The following VAV3 variants were observed in gnomAD, a reference collection of about 807,000 sequenced individuals.
VAV3 encodes vav guanine nucleotide exchange factor 3, also known as guanine nucleotide exchange factor VAV3.
In VAV3, 94 loss-of-function variants were observed where a neutral mutation model predicts 131.2. The observed-to-expected ratio is 0.72, with a 90% confidence interval of 0.61 to 0.85. VAV3 has a LOEUF of 0.85. Among genes scored for constraint, VAV3 ranks in the 40% least tolerant of loss-of-function variants. The probability of loss-of-function intolerance (pLI) is 0.00; values close to 1 mark genes in which losing one functional copy is unlikely to be tolerated. For missense variants in VAV3, 939 were observed against 1,002.7 expected, an observed-to-expected ratio of 0.94 and a Z score of 0.86; for synonymous variants, 349 against 342.0, an observed-to-expected ratio of 1.02 and a Z score of -0.22.
intron 5 of VAV3, among the ~76,000 whole-genome samples, chr1:107,772,319 TAAC>T (rs938858692): frequency 1.5e-4 from 23 of 152,282 alleles, no homozygotes; most frequent in African/African-American, 5.5e-4. Context: ...TATTAACACT[TAAC>T]AAATGTGAAG....
Position 107,704,957 on chromosome 1 carries a change from T to C in VAV3, c.1604+3A>G, listed in dbSNP as rs757711382. The C allele has an allele frequency of 6.2e-7, 1 of 1,612,986 alleles. No individual in the cohort carries two copies. Among genetic ancestry groups the C allele is most frequent in the Non-Finnish European group, 8.5e-7 (1 of 1,179,252 alleles). On this transcript the variant is annotated splice_donor_region_variant and intron_variant, in intron 16 of 26. Transcript: ENST00000370056. ...ACTGAAAACCAGGACTGAGCAGGCT[T>C]ACCTCAGGAGCATCTGGCAGACTTT... is the stretch of plus-strand genomic sequence containing the variant.
chr1:107,770,807 T>C, intron 5 of VAV3, 79 bp from the exon 6 acceptor site: 1 of 1,205,160 alleles, frequency 8.3e-7, no homozygotes, highest in South Asian at 1.4e-5. Flanking sequence ...TCAAAAGCAT[T>C]GCTGACTTTC....
chr1:107,768,641 A>G, intron 6 of VAV3, 132 bp from the exon 7 acceptor site: 3 of 591,152 alleles, frequency 5.1e-6, no homozygotes, highest in Non-Finnish European at 8.6e-6. Context: ...CCAAAATTGT[A>G]GAAACTATTT....
intron 25 of VAV3, among the ~76,000 whole-genome samples, chr1:107,589,432 C>T (rs1570569616): frequency 1.3e-5 from 2 of 152,146 alleles, no homozygotes; most frequent in South Asian, 4.1e-4. Context: ...TAAACCAAGC[C>T]ATGCCAAGGA....
intron 19 of VAV3, among the ~76,000 whole-genome samples, chr1:107,675,220 T>A (rs1483559123): frequency 6.6e-6 from 1 of 152,140 alleles, no homozygotes; most frequent in Non-Finnish European, 1.5e-5. Flanking sequence ...CAATAGAAAA[T>A]ACAGGTATCT....
chr1:107,725,743 C>T (rs1190584264), intron 15 of VAV3, among the ~76,000 whole-genome samples: 3 of 152,110 alleles, frequency 2.0e-5, no homozygotes, highest in Non-Finnish European at 4.4e-5. Context: ...AAACTCCCGA[C>T]CTCAGGTGAT....
At chr1:107,696,627 T>A (rs957054954) in intron 17 of VAV3, among the ~76,000 whole-genome samples, 2 of 152,186 alleles carry the variant, frequency 1.3e-5, no homozygotes, top group Non-Finnish European at 2.9e-5. Context: ...CTCTGTAAAG[T>A]ATGGGTGAAT....
At chr1:107,921,199 T>G (rs1672883707) in intron 1 of VAV3, among the ~76,000 whole-genome samples, 1 of 152,304 alleles carries the variant, frequency 6.6e-6, no homozygotes, top group East Asian at 1.9e-4. Flanking sequence ...GCTGCAGATA[T>G]CCGAAAGCCT....
At chr1:107,811,120 A>G (rs986704861) in intron 2 of VAV3, among the ~76,000 whole-genome samples, 1 of 152,216 alleles carries the variant, frequency 6.6e-6, no homozygotes, top group African/African-American at 2.4e-5. Flanking sequence ...GAAGGCACAG[A>G]GAAGATGAAA....
At chr1:107,677,109 T>C (rs1327306394) in intron 19 of VAV3, among the ~76,000 whole-genome samples, 1 of 152,226 alleles carries the variant, frequency 6.6e-6, no homozygotes, top group African/African-American at 2.4e-5. Context: ...TTGAATATGC[T>C]GAAAGATAAC....
intron 1 of VAV3, among the ~76,000 whole-genome samples, chr1:107,959,416 G>A (rs990979183): frequency 1.3e-5 from 2 of 152,174 alleles, no homozygotes; most frequent in Non-Finnish European, 2.9e-5. Context: ...ACTATCAGGT[G>A]TTTGCCCACC....
intron 1 of VAV3, among the ~76,000 whole-genome samples, chr1:107,883,238 T>C (rs1160584465): frequency 1.3e-5 from 2 of 152,200 alleles, no homozygotes; most frequent in African/African-American, 2.4e-5. Flanking sequence ...TAAAAACACA[T>C]GCACCCTCTT....
intron 3 of VAV3, among the ~76,000 whole-genome samples, chr1:107,778,490 T>C (rs1665499345): frequency 6.6e-6 from 1 of 152,178 alleles, no homozygotes; most frequent in African/African-American, 2.4e-5. Context: ...GTTAAACATT[T>C]ATCCAGCCGA....
intron 15 of VAV3, among the ~76,000 whole-genome samples, chr1:107,715,931 G>A (rs1661066785): frequency 6.6e-6 from 1 of 152,136 alleles, no homozygotes; most frequent in Non-Finnish European, 1.5e-5. Flanking sequence ...GTTTGCTGTG[G>A]AATTAATGTG....
At chr1:107,719,600 C>T (rs1404029756) in intron 15 of VAV3, among the ~76,000 whole-genome samples, 1 of 152,214 alleles carries the variant, frequency 6.6e-6, no homozygotes, top group Non-Finnish European at 1.5e-5. Context: ...AACACTTTTA[C>T]ACTGTTGGTG....
At chr1:107,930,558 TTACC>T (rs1673380885) in intron 1 of VAV3, among the ~76,000 whole-genome samples, 1 of 152,118 alleles carries the variant, frequency 6.6e-6, no homozygotes, top group South Asian at 2.1e-4. Context: ...ACTTTCAGGG[TTACC>T]TAGTCGATAA....
At chr1:107,678,198 T>A (rs1217002548) in intron 19 of VAV3, among the ~76,000 whole-genome samples, 1 of 152,196 alleles carries the variant, frequency 6.6e-6, no homozygotes, top group Non-Finnish European at 1.5e-5. Flanking sequence ...CTGCAATGAA[T>A]CTTAATCACT....
rs532805254 is a variant in VAV3 at position 107,713,887 on chromosome 1, C to T, written c.1503-8826G>A. On this transcript the variant is annotated intron_variant, in intron 15 of 26. Transcript: ENST00000370056. ...GCTCATCATCTCCTATAAAGTCAGA[C>T]ATCACGTTTTGGCTAGTCAAATATC... Among the ~76,000 whole-genome samples the T allele has an allele frequency of 1.4e-3, 207 of 152,214 alleles. 2 individuals carry two copies. The highest frequency in any genetic ancestry group is 4.5e-3 in the African/African-American group (188 of 41,536).
intron 1 of VAV3, among the ~76,000 whole-genome samples, chr1:107,910,440 T>A (rs547077904): frequency 6.6e-6 from 1 of 152,216 alleles, no homozygotes; most frequent in Admixed American, 6.5e-5. Context: ...AAATATTATA[T>A]GCTATTTGTT....
Sources: allele counts gnomAD v4.1 joint callset (sites outside exome capture counted in the v4.1 genomes callset), GRCh38; gene constraint gnomAD v4.1.1; transcripts MANE v1.5; gene names NCBI Gene and HGNC (gene_info 2026-07-23, HGNC 2026-07-21).